Variants in USPL1 observed in about 807,000 individuals in gnomAD.
The protein encoded by USPL1 is ubiquitin specific peptidase like 1, also known as SUMO-specific isopeptidase USPL1.
Under a neutral mutation model 51.5 loss-of-function variants are expected in USPL1, and 27 were observed. The observed-to-expected ratio is 0.52, with a 90% confidence interval of 0.39 to 0.72. The LOEUF is 0.72. USPL1 is among the 30% of genes least tolerant of loss of function. The pLI, the probability that USPL1 is intolerant of heterozygous loss-of-function variation, is 0.00. For synonymous variants in USPL1, 451 were observed against 459.6 expected (o/e 0.98, Z 0.24); for missense variants, 1,226 against 1,268.0 (o/e 0.97, Z 0.50).
intron 5 of USPL1, among the ~76,000 whole-genome samples, chr13:30,639,333 T>G (rs946046101): frequency 3.3e-5 from 5 of 151,958 alleles, no homozygotes; most frequent in African/African-American, 1.2e-4. Flanking sequence ...TTTGACGTAC[T>G]TCTTTGACTC....
At chr13:30,641,608 T>C (rs1258613034) in intron 5 of USPL1, among the ~76,000 whole-genome samples, 1 of 152,246 alleles carries the variant, frequency 6.6e-6, no homozygotes, top group Non-Finnish European at 1.5e-5. Flanking sequence ...TTCTCCTGCT[T>C]ACCTTACTTT....
At chr13:30,654,979 C>T (rs1342074649) in intron 8 of USPL1, among the ~76,000 whole-genome samples, 1 of 151,056 alleles carries the variant, frequency 6.6e-6, no homozygotes, top group Non-Finnish European at 1.5e-5. Context: ...GCTCTTGTTG[C>T]CCAGGCTGGA....
chr13:30,648,052 C>A (rs1951041385), intron 7 of USPL1, among the ~76,000 whole-genome samples: 1 of 152,170 alleles, frequency 6.6e-6, no homozygotes, highest in Non-Finnish European at 1.5e-5. Flanking sequence ...AACACCTGGG[C>A]CCCATCTCTG....
chr13:30,621,069 C>T lies in USPL1; in HGVS notation c.-68-4C>T, dbSNP rs1950640766. The T allele has an allele frequency of 8.1e-7, 1 of 1,232,844 alleles. No individual in the cohort carries two copies. Among genetic ancestry groups the T allele is most frequent in the East Asian group, 2.5e-5 (1 of 40,786 alleles). 76.4% of individuals were successfully genotyped at this position (1,232,844 alleles called of 1,614,324 possible). A position where few individuals can be genotyped will look rare whatever the true frequency, so the allele number is the denominator to read the frequency against. Reference sequence around the variant, plus strand: ...TTAATTGTCTATTGACTTTTTTTTTCCAGGGTTCATTGAAAAAATCCTTAG... The same window carrying T: ...TTAATTGTCTATTGACTTTTTTTTTTCAGGGTTCATTGAAAAAATCCTTAG... On this transcript the variant is annotated splice_polypyrimidine_tract_variant and splice_region_variant and intron_variant, in intron 1 of 8. Transcript: ENST00000255304.
chr13:30,655,983 A>T (rs187949400), intron 8 of USPL1, among the ~76,000 whole-genome samples: 1 of 152,202 alleles, frequency 6.6e-6, no homozygotes. Context: ...TGATATATAC[A>T]GTGGAAGTAT....
At chr13:30,632,446 C>T (rs1169353136) in intron 4 of USPL1, among the ~76,000 whole-genome samples, 1 of 133,516 alleles carries the variant, frequency 7.5e-6, no homozygotes, top group Non-Finnish European at 1.6e-5. Context: ...CAGAGCCTCA[C>T]TCTGTTGCCC....
chr13:30,642,030 C>T (rs1049976364), intron 5 of USPL1, among the ~76,000 whole-genome samples: 1 of 152,104 alleles, frequency 6.6e-6, no homozygotes, highest in African/African-American at 2.4e-5. Context: ...CCTTAGCCTC[C>T]TAAGTAGCTT....
intron 7 of USPL1, among the ~76,000 whole-genome samples, chr13:30,650,176 G>A (rs1424244261): frequency 6.6e-6 from 1 of 152,166 alleles, no homozygotes; most frequent in Non-Finnish European, 1.5e-5. Context: ...GAGTCTAGGG[G>A]AATCAAAGAG....
At chr13:30,625,135 A>C (rs1175191531) in intron 3 of USPL1, among the ~76,000 whole-genome samples, 1 of 151,980 alleles carries the variant, frequency 6.6e-6, no homozygotes, top group Non-Finnish European at 1.5e-5. Context: ...TCTGGGGGAG[A>C]GGGTGGTGGC....
chr13:30,650,574 C>CAAAA (rs34074092), intron 7 of USPL1, among the ~76,000 whole-genome samples: 1 of 123,204 alleles, frequency 8.1e-6, no homozygotes, highest in Non-Finnish European at 1.8e-5. Flanking sequence ...GAGACTGTCT[C>CAAAA]AAAAAAAAAA....
chr13:30,649,116 A>T (rs1036989584), intron 7 of USPL1, among the ~76,000 whole-genome samples: 1 of 152,220 alleles, frequency 6.6e-6, no homozygotes, highest in African/African-American at 2.4e-5. Flanking sequence ...AAATGGATTC[A>T]TTAGGTAAAA....
intron 4 of USPL1, among the ~76,000 whole-genome samples, chr13:30,631,913 G>A (rs1212237010): frequency 1.3e-5 from 2 of 152,066 alleles, no homozygotes; most frequent in Non-Finnish European, 2.9e-5. Flanking sequence ...ACAGTATCAC[G>A]AAGCTTGAGA....
Position 30,642,711 on chromosome 13 carries a change from T to C in USPL1, c.1066T>C (p.Ser356Pro), listed in dbSNP as rs1950964766. The C allele has an allele frequency of 1.9e-6, 3 of 1,613,798 alleles. No individual in the cohort carries two copies. The highest frequency in any genetic ancestry group is 1.7e-5 in the Admixed American group (1 of 59,994). Residue 356 changes from serine to proline, a missense_variant, in exon 6 of 9, where the codon TCT becomes CCT. Coordinates refer to ENST00000255304, the MANE Select transcript of USPL1 (RefSeq NM_005800.5). The stretch of plus-strand genomic sequence containing the variant: ...TGAAAAGCTCTTCCTATATTCTTTT[T>C]CTTGGGACTTTGAATGTTCGCAGTG... ...HIEKLFLYSFSWDFECSQCGH... is the reference protein window; with the variant it reads ...HIEKLFLYSFPWDFECSQCGH...
At chr13:30,629,215 T>A (rs1950764756) in intron 3 of USPL1, among the ~76,000 whole-genome samples, 1 of 152,158 alleles carries the variant, frequency 6.6e-6, no homozygotes, top group South Asian at 2.1e-4. Flanking sequence ...TCAAAAATTT[T>A]AATGGTGGCT....
In USPL1 at chr13:30,631,053, C is replaced by G; in HGVS notation, c.447C>G (p.Thr149=). 1 of 1,614,014 alleles carries G rather than the reference C, an allele frequency of 6.2e-7. No individual in the cohort carries two copies. Among genetic ancestry groups the G allele is most frequent in the Non-Finnish European group, 8.5e-7 (1 of 1,180,010 alleles). ...SKHNGEVYDE[T]SSNLPDSSGQ... is the part of the protein sequence containing the mutation. The stretch of plus-strand genomic sequence containing the variant: ...ATAATGGAGAAGTATATGACGAAAC[C>G]TCGTCAAACTTACCTGATAGTAGTG... The change falls in exon 4 of 9, where the codon ACC becomes ACG. Residue 149 remains threonine, a synonymous_variant. Coordinates refer to ENST00000255304, the MANE Select transcript of USPL1 (RefSeq NM_005800.5).
In USPL1 at chr13:30,659,387, A is replaced by G; in HGVS notation, c.*31A>G. On this transcript the variant is annotated 3_prime_UTR_variant, in exon 9 of 9. Transcript: ENST00000255304. ...TGCTTGTTAACTTTTTTCATATAATATTTATTATTATTAGAAGAACTTACA... is the reference window on the plus strand; with the variant it reads ...TGCTTGTTAACTTTTTTCATATAATGTTTATTATTATTAGAAGAACTTACA... The G allele has an allele frequency of 1.4e-6, 2 of 1,462,576 alleles. No individual in the cohort carries two copies. Among genetic ancestry groups the G allele is most frequent in the Non-Finnish European group, 1.8e-6 (2 of 1,098,664 alleles). The allele number at this position is 1,462,576 out of a possible 1,614,324, so 90.6% of individuals were successfully genotyped here.
At position 30,631,334 on chromosome 13, in the gene USPL1, C is replaced by T; in HGVS notation, c.728C>T (p.Ser243Leu). The change falls in exon 4 of 9, where the codon TCA (serine) becomes TTA (leucine). Residue 243 changes from serine to leucine, a missense_variant. Coordinates refer to ENST00000255304, the MANE Select transcript of USPL1 (RefSeq NM_005800.5). ...CTCTGTTGGTTAGACTGTATCCTGT[C>T]AGCTTTGGTGCACTCGGAAGAGTTA... ...YALCWLDCILSALVHSEELKN... is the reference protein window; with the variant it reads ...YALCWLDCILLALVHSEELKN... The T allele has an allele frequency of 6.2e-7, 1 of 1,614,200 alleles. No individual in the cohort carries two copies. Among genetic ancestry groups the T allele is most frequent in the Non-Finnish European group, 8.5e-7 (1 of 1,180,036 alleles).
chr13:30,644,140 G>A (rs1045911348), intron 6 of USPL1, among the ~76,000 whole-genome samples: 5 of 151,660 alleles, frequency 3.3e-5, no homozygotes, highest in Non-Finnish European at 5.9e-5. Flanking sequence ...AAAATTAGCC[G>A]GGCATGATGG....
chr13:30,640,823 C>T (rs1950937663), intron 5 of USPL1, among the ~76,000 whole-genome samples: 1 of 152,126 alleles, frequency 6.6e-6, no homozygotes, highest in South Asian at 2.1e-4. Flanking sequence ...TAGGGTATAA[C>T]TCGCTTGTAT....
Sources: allele counts gnomAD v4.1 joint callset (sites outside exome capture counted in the v4.1 genomes callset), GRCh38; gene constraint gnomAD v4.1.1; transcripts MANE v1.5; gene names NCBI Gene and HGNC (gene_info 2026-07-23, HGNC 2026-07-21).